Variants in TMEM268 observed in about 807,000 individuals in gnomAD.
TMEM268 encodes transmembrane protein C9orf91.
Under a neutral mutation model 39.1 loss-of-function variants are expected in TMEM268, and 24 were observed. That is an observed-to-expected ratio of 0.61 (90% CI 0.44 to 0.86). TMEM268 has a LOEUF of 0.86. TMEM268 is among the 40% of genes least tolerant of loss of function. The probability of loss-of-function intolerance (pLI) is 0.00; values close to 1 mark genes in which losing one functional copy is unlikely to be tolerated. For missense variants in TMEM268, 409 were observed against 428.6 expected, an observed-to-expected ratio of 0.95 and a Z score of 0.40; for synonymous variants, 176 against 173.5, an observed-to-expected ratio of 1.01 and a Z score of -0.12.
intron 5 of TMEM268, among the ~76,000 whole-genome samples, chr9:114,630,517 C>T (rs1048073416): frequency 5.9e-5 from 9 of 152,158 alleles, no homozygotes; most frequent in African/African-American, 1.2e-4. Context: ...ACGTCTATGC[C>T]CAACAACAAC....
At chr9:114,636,102 C>T (rs1846621756) in intron 6 of TMEM268, among the ~76,000 whole-genome samples, 1 of 152,152 alleles carries the variant, frequency 6.6e-6, no homozygotes, top group South Asian at 2.1e-4. Context: ...GGGGCAAGGG[C>T]CACCAGTTTC....
chr9:114,631,432 T>G (rs1564295149), intron 5 of TMEM268, among the ~76,000 whole-genome samples: 1 of 152,216 alleles, frequency 6.6e-6, no homozygotes, highest in African/African-American at 2.4e-5. Context: ...AAGTTCACTG[T>G]CATCCTCACT....
chr9:114,614,351 A>T (rs919424243), intron 1 of TMEM268, among the ~76,000 whole-genome samples: 6 of 152,254 alleles, frequency 3.9e-5, no homozygotes, highest in Non-Finnish European at 8.8e-5. Context: ...GGCCAGCTTC[A>T]GGTGCATGCA....
chr9:114,625,720 G>C (rs1846132590), intron 3 of TMEM268, among the ~76,000 whole-genome samples: 2 of 151,738 alleles, frequency 1.3e-5, no homozygotes, highest in African/African-American at 4.8e-5. Context: ...TGGGATTATA[G>C]GTATGAGCCA....
At chr9:114,609,725 GAA>G (rs747871752), upstream of TMEM268, among the ~76,000 whole-genome samples, 32 of 85,772 alleles carry the variant, frequency 3.7e-4, no homozygotes, top group Admixed American at 1.0e-3. Flanking sequence ...AAAAGAAAAA[GAA>G]AAAGAAGGAA....
intron 8 of TMEM268, among the ~76,000 whole-genome samples, chr9:114,642,516 G>C (rs1827401074): frequency 6.6e-6 from 1 of 152,038 alleles, no homozygotes; most frequent in African/African-American, 2.4e-5. Flanking sequence ...CATTTAACTA[G>C]TAATTTTCTT....
At chr9:114,605,799 C>T in the TMEM268 span, among the ~76,000 whole-genome samples, 3 of 151,840 alleles carry the variant, frequency 2.0e-5, no homozygotes, top group Non-Finnish European at 2.9e-5. Flanking sequence ...ATGGTGGTGG[C>T]GCTGCCTATA....
chr9:114,615,195 T>G (rs542196951), intron 1 of TMEM268, among the ~76,000 whole-genome samples: 1 of 151,910 alleles, frequency 6.6e-6, no homozygotes. Context: ...CCGTGCTGGG[T>G]GGTGTCACTG....
At chr9:114,641,728 C>T (rs1236442870) in intron 8 of TMEM268, among the ~76,000 whole-genome samples, 10 of 152,274 alleles carry the variant, frequency 6.6e-5, no homozygotes, top group Non-Finnish European at 8.8e-5. Context: ...CCTCTGCCTC[C>T]GGGTTCAAGT....
At chr9:114,631,282 C>CAAAAAAAAAAAAAAAA (rs3035421) in intron 5 of TMEM268, among the ~76,000 whole-genome samples, 3 of 130,176 alleles carry the variant, frequency 2.3e-5, no homozygotes, top group Admixed American at 7.8e-5. Flanking sequence ...CAGCCTGCCT[C>CAAAAAAAAAAAAAAAA]AAAAAAAAAA....
intron 7 of TMEM268, 51 bp downstream of exon 7, chr9:114,637,121 T>C (rs1846671751): frequency 8.3e-7 from 1 of 1,210,364 alleles, no homozygotes; most frequent in Non-Finnish European, 1.2e-6. Context: ...GGCCAAGTTG[T>C]ATCGATTTCA....
At chr9:114,620,339 G>C (rs920694804) in intron 2 of TMEM268, among the ~76,000 whole-genome samples, 2 of 152,132 alleles carry the variant, frequency 1.3e-5, no homozygotes, top group African/African-American at 4.8e-5. Flanking sequence ...TGACCTCCCA[G>C]GCTCAGGTGA....
rs1554755484 is a variant in TMEM268 at position 114,611,533 on chromosome 9, T to TGGTGGC, written c.-108_-107insTGGCGG. Reference sequence around the variant, plus strand: ...GCCCCCGACCTTCCGCGTCCCGGGGTGGCGGCGGCGGCGGCGGCGGCGGCG... The same window carrying TGGTGGC: ...GCCCCCGACCTTCCGCGTCCCGGGGTGGTGGCGGCGGCGGCGGCGGCGGCGGCGGCG... On this transcript the variant is annotated 5_prime_UTR_variant, in exon 1 of 9. Coordinates refer to ENST00000288502, the MANE Select transcript of TMEM268 (RefSeq NM_153045.4). The TGGTGGC allele has an allele frequency of 9.8e-5, 16 of 163,616 alleles. No individual in the cohort carries two copies. Among genetic ancestry groups the TGGTGGC allele is most frequent in the African/African-American group, 1.7e-4 (7 of 40,568 alleles). 10.1% of individuals were successfully genotyped at this position (163,616 alleles called of 1,614,324 possible). A position where few individuals can be genotyped will look rare whatever the true frequency, so the allele number is the denominator to read the frequency against.
chr9:114,643,219 C>G lies in TMEM268; in HGVS notation c.935C>G (p.Thr312Arg). 2 of 1,614,144 alleles carry G rather than the reference C, an allele frequency of 1.2e-6. No individual in the cohort carries two copies. The highest frequency in any genetic ancestry group is 1.7e-6 in the Non-Finnish European group (2 of 1,179,976). ...TCCCAGCTCCCTCAGGCAATGGGGA[C>G]ACGACACACGAACTCTCCGAGAATT... ...VTSQLPQAMG[T>R]RHTNSPRIPC... The change falls in exon 9 of 9, where the codon ACA becomes AGA. Residue 312 changes from threonine (T) to arginine (R), a missense_variant. By Grantham distance (71) the Thr-to-Arg change is moderately conservative. Coordinates refer to ENST00000288502, the MANE Select transcript of TMEM268 (RefSeq NM_153045.4).
chr9:114,612,433 C>T (rs1845538069), intron 1 of TMEM268, among the ~76,000 whole-genome samples: 1 of 152,122 alleles, frequency 6.6e-6, no homozygotes, highest in Non-Finnish European at 1.5e-5. Context: ...TGCTCTGCCT[C>T]CACCCTGCTG....
chr9:114,639,530 C>T (rs1846798866), intron 8 of TMEM268, among the ~76,000 whole-genome samples: 1 of 152,014 alleles, frequency 6.6e-6, no homozygotes, highest in Non-Finnish European at 1.5e-5. Flanking sequence ...CTTGTGCTTA[C>T]CTTCTTCTCA....
intron 1 of TMEM268, among the ~76,000 whole-genome samples, chr9:114,612,292 A>T (rs1845532966): frequency 6.6e-6 from 1 of 152,168 alleles, no homozygotes. Context: ...GCTGAAAAAG[A>T]GGGGAGTTGA....
chr9:114,642,630 T>C (rs964208236), intron 8 of TMEM268, among the ~76,000 whole-genome samples: 1 of 151,696 alleles, frequency 6.6e-6, no homozygotes, highest in Non-Finnish European at 1.5e-5. Flanking sequence ...TTTATATTTT[T>C]AAAATATATT....
In TMEM268 at chr9:114,626,901, C is replaced by A. The variant is rs201950258; in HGVS notation, c.219C>A (p.Val73=). ...EEQLQTWGIQ[V]PADQYRSLAE... ...CTCTTTCCCTGGGTTCCAAGCAGGT[C>A]CCGGCTGACCAGTACAGGAGCTTGG... is the stretch of plus-strand genomic sequence containing the variant. Residue 73 remains valine (V), a splice_region_variant and synonymous_variant, in exon 4 of 9, where the codon GTC becomes GTA. Transcript: ENST00000288502. The A allele has an allele frequency of 2.5e-6, 4 of 1,605,836 alleles. No homozygotes were observed. In the East Asian group the frequency reaches 6.7e-5, roughly 27 times the overall value.
Sources: allele counts gnomAD v4.1 joint callset (sites outside exome capture counted in the v4.1 genomes callset), GRCh38; gene constraint gnomAD v4.1.1; transcripts MANE v1.5; gene names NCBI Gene and HGNC (gene_info 2026-07-23, HGNC 2026-07-21).